FASN: variants seen among roughly 807,000 people sequenced by gnomAD.
The protein encoded by FASN is fatty acid synthase, also known as 3-hydroxyacyl-[acyl-carrier-protein] dehydratase.
A neutral mutation model predicts 250.0 loss-of-function variants in FASN; 50 were observed. That is an observed-to-expected ratio of 0.20 (90% CI 0.16 to 0.25). The LOEUF is 0.25. Ranked by LOEUF, FASN falls within the 10% of genes least tolerant of loss-of-function variation. The pLI, the probability that FASN is intolerant of heterozygous loss-of-function variation, is 1.00. For synonymous variants in FASN, 1,909 were observed against 1,584.0 expected (o/e 1.21, Z -4.87); for missense variants, 3,031 against 3,498.5 (o/e 0.87, Z 3.37).
rs1232564441 is a variant in FASN at position 82,090,948 on chromosome 17, C to A, written c.1614G>T (p.Leu538=). 6.2e-7 allele frequency: 1 copy of A among 1,612,794 alleles called. No homozygotes were observed. Among genetic ancestry groups the A allele is most frequent in the Admixed American group, 1.7e-5 (1 of 60,004 alleles). ...KPFGLKVSQL[L]LSTDESTFDD... ...CAAAGGTGCTCTCGTCTGTGCTCAG[C>A]AGCAGCTGTGACACCTTCAGGCCGA... Residue 538 remains leucine, a synonymous_variant, in exon 10 of 43, where the codon CTG becomes CTT. Coordinates refer to ENST00000306749, the MANE Select transcript of FASN (RefSeq NM_004104.5).
Position 82,079,130 on chromosome 17 carries a change from CG to C in FASN, c.*12del. 1.2e-6 allele frequency: 2 copies of C among 1,607,950 alleles called. No homozygotes were observed. ...TGGTGGAGTGACCTCCGGTGGCAGG[CG>C]GGGGCACGGGCCTAGCCCTCCCGCA... On this transcript the variant is annotated 3_prime_UTR_variant, in exon 43 of 43. Transcript: ENST00000306749.
At chr17:82,087,912 G>A (rs1397506520) in intron 18 of FASN, 42 bp downstream of exon 18, 7 of 1,611,886 alleles carry the variant, frequency 4.3e-6, no homozygotes, top group African/African-American at 2.7e-5. Flanking sequence ...CATGGCCAGC[G>A]GGCACAGCCT....
rs748572657 is a variant in FASN, at chr17:82,081,620, C to T, written c.6387G>A (p.Glu2129=). 1.2e-6 allele frequency: 2 copies of T among 1,612,590 alleles called. No individual in the cohort carries two copies. The highest frequency in any genetic ancestry group is 1.7e-5 in the Admixed American group (1 of 60,000). Residue 2129 remains glutamate, a synonymous_variant, in exon 37 of 43, where the codon GAG becomes GAA. Transcript: ENST00000306749. The part of the protein sequence containing the change: ...RDRDSQRDLV[E]AVAHILGIRD... ...GCTCACCCAGGATGTGTGCCACGGC[C>T]TCCACCAGGTCCCGCTGGCTGTCCC...
At chr17:82,094,157 G>A (rs1024031632) in intron 3 of FASN, 2 of 359,100 alleles carry the variant, frequency 5.6e-6, no homozygotes, top group South Asian at 2.3e-5. Flanking sequence ...TGAGCCCGTC[G>A]GCCAGTGGCC....
chr17:82,095,675 A>C (rs1412917299), intron 2 of FASN, among the ~76,000 whole-genome samples: 1 of 152,168 alleles, frequency 6.6e-6, no homozygotes, highest in Non-Finnish European at 1.5e-5. Flanking sequence ...GATCTGCTGC[A>C]CAAGCCCCAA....
At position 82,086,378 on chromosome 17, in the gene FASN, G is replaced by A. The variant is rs755739096; in HGVS notation, c.3608C>T (p.Ala1203Val). 5 of 1,609,454 alleles carry A rather than the reference G, an allele frequency of 3.1e-6. No individual in the cohort carries two copies. The highest frequency in any genetic ancestry group is 4.2e-6 in the Non-Finnish European group (5 of 1,179,766). The change falls in exon 22 of 43, where the codon GCC (alanine) becomes GTC (valine). Residue 1203 changes from alanine to valine, a missense_variant. Physicochemically the swap from Ala to Val is moderately conservative, Grantham distance 64 (BLOSUM62 0). Coordinates refer to ENST00000306749, the MANE Select transcript of FASN (RefSeq NM_004104.5). ...NLQLELAQVL[A>V]QERPKLPEDP... ...CTCTGGCAGCTTGGGCCTCTCCTGG[G>A]CCAGCACCTGCGCCAGCTCCAGCTG... is the stretch of plus-strand genomic sequence containing the variant.
chr17:82,091,471 C>A lies in FASN; in HGVS notation c.1243G>T (p.Ala415Ser), dbSNP rs376821046. The A allele has an allele frequency of 2.0e-6, 3 of 1,536,104 alleles. No individual in the cohort carries two copies. Among genetic ancestry groups the A allele is most frequent in the Non-Finnish European group, 2.7e-6 (3 of 1,120,672 alleles). ...RPNTQPPPAP[A>S]PHATLPRLLR... ...AGACGGGGCAGGGTGGCATGTGGGG[C>A]GGGTGCGGGGGGCGGCTGCGTGTTG... The change falls in exon 9 of 43, where the codon GCC becomes TCC. Residue 415 changes from alanine to serine, a missense_variant. Ala to Ser is a moderately conservative substitution (Grantham distance 99). Transcript: ENST00000306749.
rs1568106197 is a variant in FASN at position 82,082,518 on chromosome 17, T to C, written c.5919+9A>G. 6.2e-7 allele frequency: 1 copy of C among 1,608,888 alleles called. No individual in the cohort carries two copies. On this transcript the variant is annotated intron_variant, in intron 34 of 42. Coordinates refer to ENST00000306749, the MANE Select transcript of FASN (RefSeq NM_004104.5). ...GCTTTTGAGGGCCCCATTTGGGGCC[T>C]TCCCTCACCACGGCCAGGTTGAAGA...
At chr17:82,094,833 C>A (rs934062258) in intron 3 of FASN, among the ~76,000 whole-genome samples, 1 of 150,882 alleles carries the variant, frequency 6.6e-6, no homozygotes, top group African/African-American at 2.4e-5. Flanking sequence ...AACGGCGTGG[C>A]GCTTGTCCGA....
chr17:82,079,385 T>C lies in FASN; in HGVS notation c.7370A>G (p.Asp2457Gly). 1.2e-6 allele frequency: 2 copies of C among 1,612,960 alleles called. No homozygotes were observed. Among genetic ancestry groups the C allele is most frequent in the Non-Finnish European group, 1.7e-6 (2 of 1,179,978 alleles). The change falls in exon 42 of 43, where the codon GAC becomes GGC. Residue 2457 changes from aspartate to glycine, a missense_variant. Asp to Gly is a moderately conservative substitution (Grantham distance 94, BLOSUM62 -1). Transcript: ENST00000306749. The part of the protein sequence containing the change: ...RAKTGGAYGE[D>G]LGADYNLSQV... ...GGAGAGGTTGTAGTCCGCGCCCAGG[T>C]CCTCGCCGTAGGCGCCACCCGTCTT...
In FASN at chr17:82,087,717, T is replaced by C. The variant is rs771627947; in HGVS notation, c.3011A>G (p.His1004Arg). Residue 1004 changes from histidine (H) to arginine (R), a missense_variant, in exon 19 of 43, where the codon CAT becomes CGT. Transcript: ENST00000306749. ...GCTGGCCTCCAGGATGCCCTGGAAA[T>C]GAGGGCCGTAGTCGTAGCCACGCAG... is the stretch of plus-strand genomic sequence containing the variant. ...LRLRGYDYGP[H>R]FQGILEASLE... 6 of 1,611,960 alleles carry C rather than the reference T, an allele frequency of 3.7e-6. No individual in the cohort carries two copies. Among genetic ancestry groups the C allele is most frequent in the Non-Finnish European group, 2.5e-6 (3 of 1,179,988 alleles).
Position 82,084,658 on chromosome 17 carries a change from C to A in FASN, c.4623G>T (p.Leu1541=). 3.1e-6 allele frequency: 5 copies of A among 1,592,308 alleles called. No homozygotes were observed. The highest frequency in any genetic ancestry group is 4.3e-6 in the Non-Finnish European group (5 of 1,170,276). Residue 1541 remains leucine (L), a synonymous_variant, in exon 27 of 43, where the codon CTG becomes CTT. Coordinates refer to ENST00000306749, the MANE Select transcript of FASN (RefSeq NM_004104.5). ...AGGAGCAGACCCAGCGGATGGAGGA[C>A]AGGTCCCCCCGGGTGAGGGTGCTCA... ...AFVSTLTRGD[L]SSIRWVCSSL... is the part of the protein sequence containing the mutation.
chr17:82,091,185 G>A lies in FASN; in HGVS notation c.1492+37C>T, dbSNP rs777262682. On this transcript the variant is annotated intron_variant, in intron 9 of 42. Transcript: ENST00000306749. ...GCTCCAGTTCGCCTGCCTTTCCCCA[G>A]GGAAGGGACCACCTTGGGGGCAGAG... The A allele has an allele frequency of 2.1e-5, 34 of 1,602,038 alleles. 1 individual carries two copies. The South Asian group carries it at 3.3e-4, about 16-fold the overall frequency.
Position 82,088,300 on chromosome 17 carries a change from G to A in FASN, c.2601C>T (p.Ser867=), listed in dbSNP as rs2144796507. 6.2e-7 allele frequency: 1 copy of A among 1,606,974 alleles called. No homozygotes were observed. The highest frequency in any genetic ancestry group is 2.2e-5 in the East Asian group (1 of 44,884). The change falls in exon 17 of 43, where the codon AGC becomes AGT. Residue 867 remains serine, a synonymous_variant. Coordinates refer to ENST00000306749, the MANE Select transcript of FASN (RefSeq NM_004104.5). ...PSAAIYNIDT[S]SESPDHYLVD... is the part of the protein sequence containing the mutation. ...CCAGGTAGTGGTCAGGAGACTCGGAGCTGGTGTCTGCGGGAGGGCACAGGC... is the reference window on the plus strand; with the variant it reads ...CCAGGTAGTGGTCAGGAGACTCGGAACTGGTGTCTGCGGGAGGGCACAGGC...
chr17:82,088,155 C>A lies in FASN; in HGVS notation c.2746G>T (p.Asp916Tyr), dbSNP rs759153870. Residue 916 changes from aspartate to tyrosine, a missense_variant, in exon 17 of 43, where the codon GAT (aspartate) becomes TAT (tyrosine). By Grantham distance (160) the Asp-to-Tyr change is radical. Transcript: ENST00000306749. ...GVEQLPVVFE[D>Y]VVLHQATILP... The stretch of plus-strand genomic sequence containing the variant: ...ATGGTGGCCTGGTGCAGCACCACAT[C>A]CTCAAACACCACAGGCAGCTGCTCG... 6.2e-7 allele frequency: 1 copy of A among 1,612,824 alleles called. No individual in the cohort carries two copies. The highest frequency in any genetic ancestry group is 1.1e-5 in the South Asian group (1 of 91,082).
At chr17:82,082,277 A>G in intron 35 of FASN, 46 bp downstream of exon 35, 2 of 1,608,524 alleles carry the variant, frequency 1.2e-6, no homozygotes, top group Non-Finnish European at 1.7e-6. Context: ...CACGGCCCTG[A>G]GCCCAGAGCC....
intron 11 of FASN, 91 bp from the exon 12 acceptor site, chr17:82,089,817 G>A (rs1242811314): frequency 8.9e-6 from 10 of 1,118,872 alleles, no homozygotes; most frequent in East Asian, 2.6e-5. Context: ...GCTGGGGGCA[G>A]TAATGACAAG....
rs2034091019 is a variant in FASN, at chr17:82,085,951, C to T, written c.3733-80G>A. 4 of 1,429,306 alleles carry T rather than the reference C, an allele frequency of 2.8e-6. No individual in the cohort carries two copies. In the South Asian group the frequency reaches 4.3e-5, roughly 15 times the overall value. 88.5% of individuals were successfully genotyped at this position (1,429,306 alleles called of 1,614,324 possible). A position where few individuals can be genotyped will look rare whatever the true frequency, so the allele number is the denominator to read the frequency against. On this transcript the variant is annotated intron_variant, in intron 22 of 42. Coordinates refer to ENST00000306749, the MANE Select transcript of FASN (RefSeq NM_004104.5). ...GGGGCTGGGCAAAATGTCCATGAGG[C>T]CTCAGTCTGGCAGAAAGGCTTCCCC... is the stretch of plus-strand genomic sequence containing the variant.
Position 82,088,018 on chromosome 17 carries a change from C to T in FASN, c.2802G>A (p.Glu934=), listed in dbSNP as rs985620058. The T allele has an allele frequency of 6.8e-6, 11 of 1,612,782 alleles. No individual in the cohort carries two copies. The highest frequency in any genetic ancestry group is 9.3e-6 in the Non-Finnish European group (11 of 1,179,982). Reference sequence around the variant, plus strand: ...CACGGGAGGCCTCCAGGAGCCGTACCTCCAGGGACACTGTCCCTGCAGAGC... The same window carrying T: ...CACGGGAGGCCTCCAGGAGCCGTACTTCCAGGGACACTGTCCCTGCAGAGC... The part of the protein sequence containing the change: ...ILPKTGTVSL[E]VRLLEASRAF... Residue 934 remains glutamate, a synonymous_variant, in exon 18 of 43, where the codon GAG becomes GAA. Coordinates refer to ENST00000306749, the MANE Select transcript of FASN (RefSeq NM_004104.5).
Sources: allele counts gnomAD v4.1 joint callset (sites outside exome capture counted in the v4.1 genomes callset), GRCh38; gene constraint gnomAD v4.1.1; transcripts MANE v1.5; gene names NCBI Gene and HGNC (gene_info 2026-07-23, HGNC 2026-07-21).